The following ABRAXAS2 variants were observed in gnomAD, a reference collection of about 807,000 sequenced individuals.
ABRAXAS2 encodes the protein BRISC complex subunit Abraxas 2.
In ABRAXAS2, 23 loss-of-function variants were observed where a neutral mutation model predicts 49.0. The observed-to-expected ratio is 0.47, with a 90% CI of 0.34 to 0.66. The LOEUF is 0.66. ABRAXAS2 is among the 30% of genes least tolerant of loss of function. The pLI is 0.01. For synonymous variants in ABRAXAS2, 168 were observed against 180.2 expected, an observed-to-expected ratio of 0.93 and a Z score of 0.54; for missense variants, 443 against 511.9, an observed-to-expected ratio of 0.87 and a Z score of 1.30.
At chr10:124,817,299 T>G (rs902598162) in intron 3 of ABRAXAS2, among the ~76,000 whole-genome samples, 10 of 151,792 alleles carry the variant, frequency 6.6e-5, no homozygotes, top group Admixed American at 5.9e-4. Context: ...GAAAAAGAAA[T>G]AAAGGGAGAA....
chr10:124,807,054 T>G, intron 2 of ABRAXAS2, 133 bp downstream of exon 2: 1 of 615,278 alleles, frequency 1.6e-6, no homozygotes. Flanking sequence ...GGCTCACGCC[T>G]GTAATCCCAG....
intron 7 of ABRAXAS2, among the ~76,000 whole-genome samples, chr10:124,830,244 A>G (rs936418960): frequency 6.6e-6 from 1 of 152,174 alleles, no homozygotes; most frequent in African/African-American, 2.4e-5. Flanking sequence ...AAGGAGTTCG[A>G]GATCAGCCTG....
At chr10:124,810,294 G>GGC (rs2134160118) in intron 2 of ABRAXAS2, among the ~76,000 whole-genome samples, 2 of 152,322 alleles carry the variant, frequency 1.3e-5, no homozygotes, top group South Asian at 4.1e-4. Flanking sequence ...GGGAGGCCGA[G>GGC]GCAGGAGGAT....
At chr10:124,813,343 G>A (rs1398164119) in intron 2 of ABRAXAS2, among the ~76,000 whole-genome samples, 1 of 152,204 alleles carries the variant, frequency 6.6e-6, no homozygotes, top group Non-Finnish European at 1.5e-5. Flanking sequence ...GGAGAAGGCA[G>A]CAACAGAAGT....
intron 5 of ABRAXAS2, 71 bp from the exon 6 acceptor site, chr10:124,828,685 T>TA: frequency 2.8e-6 from 4 of 1,444,522 alleles, no homozygotes; most frequent in Non-Finnish European, 3.8e-6. Context: ...TTTTTTTTTT[T>TA]AGACTGTCAG....
chr10:124,822,315 A>G (rs1002103849), intron 4 of ABRAXAS2, among the ~76,000 whole-genome samples: 2 of 152,228 alleles, frequency 1.3e-5, no homozygotes, highest in Non-Finnish European at 2.9e-5. Context: ...CCCATTTTAT[A>G]TAACAACAAA....
At chr10:124,832,039 G>C (rs1950937033) in intron 8 of ABRAXAS2, among the ~76,000 whole-genome samples, 3 of 150,988 alleles carry the variant, frequency 2.0e-5, no homozygotes, top group Admixed American at 2.0e-4. Flanking sequence ...TTTTTTTCTT[G>C]TTTTTTTAGT....
At position 124,806,879 on chromosome 10, in the gene ABRAXAS2, A is replaced by G; in HGVS notation, c.121A>G (p.Ser41Gly). 6.2e-7 allele frequency: 1 copy of G among 1,612,484 alleles called. No homozygotes were observed. Among genetic ancestry groups the G allele is most frequent in the Non-Finnish European group, 8.5e-7 (1 of 1,179,138 alleles). ...EVRQEETFSI[S>G]DSQISNTEFL... The stretch of plus-strand genomic sequence containing the variant: ...AAGACAAGAGGAAACGTTTAGCATC[A>G]GTGACTCACAAATCAGCAACACAGA... The change falls in exon 2 of 9, where the codon AGT becomes GGT. Residue 41 changes from serine to glycine, a missense_variant. Ser to Gly is a moderately conservative substitution (Grantham distance 56). Around this residue, in one of 3 missense-constraint regions of ABRAXAS2, gnomAD observed 166 missense variants for 247.3 expected, o/e 0.67. Transcript: ENST00000298492.
chr10:124,829,506 T>A (rs1181189536), intron 7 of ABRAXAS2, 29 bp downstream of exon 7: 1 of 1,441,330 alleles, frequency 6.9e-7, no homozygotes, highest in East Asian at 2.3e-5. Context: ...AGTTTTCATC[T>A]TATTTGTCTT....
intron 4 of ABRAXAS2, among the ~76,000 whole-genome samples, chr10:124,821,721 C>T (rs1253752483): frequency 6.6e-6 from 1 of 152,150 alleles, no homozygotes; most frequent in African/African-American, 2.4e-5. Flanking sequence ...CCAGTGTTGG[C>T]AAGGCTGTGG....
At chr10:124,829,245 T>G in intron 6 of ABRAXAS2, 148 bp from the exon 7 acceptor site, 1 of 616,064 alleles carries the variant, frequency 1.6e-6, no homozygotes, top group Admixed American at 3.4e-5. Context: ...TCTTCTGTAA[T>G]TCTTGTGGTA....
intron 8 of ABRAXAS2, among the ~76,000 whole-genome samples, chr10:124,831,887 T>G (rs1950935963): frequency 7.3e-6 from 1 of 136,850 alleles, no homozygotes; most frequent in African/African-American, 2.8e-5. Context: ...GGAATCTCCC[T>G]CTGTCACCCA....
At chr10:124,820,237 C>A (rs1950853634) in intron 4 of ABRAXAS2, among the ~76,000 whole-genome samples, 1 of 152,116 alleles carries the variant, frequency 6.6e-6, no homozygotes, top group African/African-American at 2.4e-5. Flanking sequence ...AGGCAAATAG[C>A]TTTATGCATG....
intron 3 of ABRAXAS2, among the ~76,000 whole-genome samples, chr10:124,818,276 G>T (rs1409495206): frequency 6.6e-6 from 1 of 151,702 alleles, no homozygotes; most frequent in Non-Finnish European, 1.5e-5. Context: ...GGTGCCTGTA[G>T]TCCCAGCTAC....
chr10:124,809,688 A>G (rs1413037961), intron 2 of ABRAXAS2, among the ~76,000 whole-genome samples: 1 of 152,130 alleles, frequency 6.6e-6, no homozygotes, highest in Non-Finnish European at 1.5e-5. Flanking sequence ...GGGTGCATGC[A>G]GCCCATGGCA....
rs576496313 is a variant in ABRAXAS2, at chr10:124,806,316, G to GA, written c.73-504dup. 1.9e-3 allele frequency among the ~76,000 whole-genome samples: 261 copies of GA among 135,828 alleles called. 1 individual carries two copies. The highest frequency in any genetic ancestry group is 3.2e-3 in the Admixed American group (44 of 13,718). 89.1% of individuals were successfully genotyped at this position (135,828 alleles called of 152,430 possible). A position where few individuals can be genotyped will look rare whatever the true frequency, so the allele number is the denominator to read the frequency against. On this transcript the variant is annotated intron_variant, in intron 1 of 8. Coordinates refer to ENST00000298492, the MANE Select transcript of ABRAXAS2 (RefSeq NM_032182.4). Reference sequence around the variant, plus strand: ...GCAAGATTCCGTCTCAAAAAAAAAAGAAAAAAAAAAAGACAAGAAAAAGGT... The same window carrying GA: ...GCAAGATTCCGTCTCAAAAAAAAAAGAAAAAAAAAAAAGACAAGAAAAAGGT...
intron 2 of ABRAXAS2, among the ~76,000 whole-genome samples, chr10:124,813,751 A>G (rs1050120838): frequency 1.8e-4 from 27 of 152,238 alleles, no homozygotes; most frequent in Non-Finnish European, 3.7e-4. Context: ...CAGTATCTAT[A>G]GAATGTCTTT....
chr10:124,816,533 C>G (rs200554924), intron 2 of ABRAXAS2, 43 bp from the exon 3 acceptor site: 7 of 1,434,038 alleles, frequency 4.9e-6, no homozygotes, highest in Non-Finnish European at 6.8e-6. Context: ...TTGCCTATGT[C>G]TTACATGATT....
chr10:124,814,576 G>A (rs1307049933), intron 2 of ABRAXAS2, among the ~76,000 whole-genome samples: 1 of 151,672 alleles, frequency 6.6e-6, no homozygotes, highest in African/African-American at 2.4e-5. Context: ...CCTAACCTCA[G>A]GTGATCCACC....
Sources: allele counts gnomAD v4.1 joint callset (sites outside exome capture counted in the v4.1 genomes callset), GRCh38; gene constraint gnomAD v4.1.1; regional missense constraint gnomAD v4.1.1; transcripts MANE v1.5; gene names NCBI Gene and HGNC (gene_info 2026-07-23, HGNC 2026-07-21).